The following CDH23 variants were observed in gnomAD, a reference collection of about 807,000 sequenced individuals.
CDH23 encodes cadherin related 23.
CDH23 carries 189 observed loss-of-function variants against 317.1 expected under a neutral mutation model. That is an observed-to-expected ratio of 0.60 (90% CI 0.53 to 0.67). The LOEUF is 0.67. CDH23 is among the 30% of genes least tolerant of loss of function. CDH23 has a pLI of 0.00. For missense variants in CDH23, 4,401 were observed against 4,592.4 expected (o/e 0.96, Z 1.20); for synonymous variants, 1,839 against 1,876.8 (o/e 0.98, Z 0.52).
At chr10:71,709,664 C>T (rs1249174828) in intron 27 of CDH23, among the ~76,000 whole-genome samples, 2 of 152,136 alleles carry the variant, frequency 1.3e-5, no homozygotes, top group African/African-American at 2.4e-5. Context: ...CAAAACCAGT[C>T]CACTGGGAGA....
At chr10:71,755,154 G>C (rs9415993) in intron 38 of CDH23, 171,912 of 660,192 alleles carry the variant, frequency 0.26, 23,718 homozygotes, top group East Asian at 0.36. Flanking sequence ...AAAGGGGCTG[G>C]TGGGCACTTG....
At position 71,797,240 on chromosome 10, in the gene CDH23, T is replaced by C; in HGVS notation, c.6829+20T>C. 1 of 1,546,526 alleles carries C rather than the reference T, an allele frequency of 6.5e-7. No individual in the cohort carries two copies. Among genetic ancestry groups the C allele is most frequent in the Non-Finnish European group, 8.9e-7 (1 of 1,124,300 alleles). Reference sequence around the variant, plus strand: ...CAAATGGTAAGGTTCCCTGCAGACATCTCTCATTGGTCACTCAGAGCCAAT... The same window carrying C: ...CAAATGGTAAGGTTCCCTGCAGACACCTCTCATTGGTCACTCAGAGCCAAT... On this transcript the variant is annotated intron_variant, in intron 49 of 69. Transcript: ENST00000224721.
chr10:71,624,028 G>A (rs1861592827), intron 11 of CDH23, among the ~76,000 whole-genome samples: 2 of 152,166 alleles, frequency 1.3e-5, no homozygotes. Context: ...AATGAGTTGG[G>A]CCAGTCAGTC....
chr10:71,710,755 A>G (rs1169829404), intron 27 of CDH23, among the ~76,000 whole-genome samples: 1 of 152,254 alleles, frequency 6.6e-6, no homozygotes. Context: ...GCACCAGCCC[A>G]TGCAAGGGCC....
chr10:71,642,539 C>CA (rs1016103078), intron 11 of CDH23, among the ~76,000 whole-genome samples: 1 of 151,804 alleles, frequency 6.6e-6, no homozygotes, highest in Non-Finnish European at 1.5e-5. Flanking sequence ...GCTGGGATTA[C>CA]AGGCGTGCAT....
chr10:71,410,201 G>A (rs1426862157), intron 1 of CDH23, among the ~76,000 whole-genome samples: 1 of 152,194 alleles, frequency 6.6e-6, no homozygotes, highest in Non-Finnish European at 1.5e-5. Context: ...AAAGTGCTTG[G>A]CACATAGTAA....
At chr10:71,771,529 C>T (rs1367951420) in intron 38 of CDH23, among the ~76,000 whole-genome samples, 1 of 152,242 alleles carries the variant, frequency 6.6e-6, no homozygotes, top group Non-Finnish European at 1.5e-5. Context: ...TGCTATCTCC[C>T]TCAGTGCACA....
intron 3 of CDH23, among the ~76,000 whole-genome samples, chr10:71,449,504 G>C (rs913819234): frequency 4.6e-5 from 7 of 152,110 alleles, no homozygotes; most frequent in African/African-American, 1.4e-4. Flanking sequence ...GAGCCTCATA[G>C]ATTAAAAATG....
At chr10:71,754,474 G>A (rs1244838813) in intron 38 of CDH23, among the ~76,000 whole-genome samples, 1 of 152,208 alleles carries the variant, frequency 6.6e-6, no homozygotes, top group African/African-American at 2.4e-5. Flanking sequence ...AGAGGCCAGG[G>A]AGGGGAGGCA....
intron 38 of CDH23, among the ~76,000 whole-genome samples, chr10:71,768,102 T>C (rs1336476464): frequency 6.6e-6 from 1 of 152,220 alleles, no homozygotes; most frequent in African/African-American, 2.4e-5. Context: ...CAAGTCTTTT[T>C]GCCCCCTACT....
chr10:71,811,357 T>C lies in CDH23; in HGVS notation c.9120T>C (p.Asn3040=), dbSNP rs772816116. 81 of 1,613,672 alleles carry C rather than the reference T, an allele frequency of 5.0e-5. No homozygotes were observed. The East Asian group carries it at 1.8e-3, about 36-fold the overall frequency. Residue 3040 remains asparagine, a synonymous_variant, in exon 63 of 70, where the codon AAT becomes AAC. Transcript: ENST00000224721. ...ATGAGAACAAGGAGCAGCTACGGAA[T>C]CTTTTCCGGAACTACAACGTCCTGG... ...MIDENKEQLR[N]LFRNYNVLDV...
chr10:71,624,616 C>A (rs1402523417), intron 11 of CDH23, among the ~76,000 whole-genome samples: 2 of 152,138 alleles, frequency 1.3e-5, no homozygotes, highest in African/African-American at 4.8e-5. Flanking sequence ...AGGAGGATTG[C>A]TTCAGCCCAG....
chr10:71,505,109 G>A (rs984780928), intron 3 of CDH23, among the ~76,000 whole-genome samples: 22 of 152,326 alleles, frequency 1.4e-4, no homozygotes, highest in Middle Eastern at 3.4e-3. Flanking sequence ...AGATTTAAGT[G>A]CAAGAAGCTT....
At chr10:71,423,322 G>A (rs1848899228) in intron 1 of CDH23, among the ~76,000 whole-genome samples, 4 of 152,222 alleles carry the variant, frequency 2.6e-5, no homozygotes, top group African/African-American at 9.6e-5. Context: ...TGTTGAAGGA[G>A]GAGAAGGAAC....
rs763303827 is a variant in CDH23 at position 71,812,814 on chromosome 10, G to A, written c.9557G>A (p.Arg3186Gln). 55 of 1,613,238 alleles carry A rather than the reference G, an allele frequency of 3.4e-5. No individual in the cohort carries two copies. Among genetic ancestry groups the A allele is most frequent in the Admixed American group, 6.7e-5 (4 of 59,888 alleles). The stretch of plus-strand genomic sequence containing the variant: ...GCAGCTGTCAAGCCTGATGATGACC[G>A]ATACCTGCGGGCTGCCATCCAGGAG... ...EPAAVKPDDDRYLRAAIQEYD... is the reference protein window; with the variant it reads ...EPAAVKPDDDQYLRAAIQEYD... The change falls in exon 68 of 70, where the codon CGA becomes CAA. Residue 3186 changes from arginine to glutamine, a missense_variant. Coordinates refer to ENST00000224721, the MANE Select transcript of CDH23 (RefSeq NM_022124.6).
At position 71,617,393 on chromosome 10, in the gene CDH23, G is replaced by T; in HGVS notation, c.1134G>T (p.Glu378Asp). 1 of 1,613,054 alleles carries T rather than the reference G, an allele frequency of 6.2e-7. No homozygotes were observed. The highest frequency in any genetic ancestry group is 8.5e-7 in the Non-Finnish European group (1 of 1,179,842). ...TCATCCAGGTGGTGGACAAGGATGA[G>T]GTGAGTCCCTGGACACATGGCCCAT... ...PLFIQVVDKDENLGLNSMFEV... is the reference protein window; with the variant it reads ...PLFIQVVDKDDNLGLNSMFEV... Residue 378 changes from glutamate (E) to aspartate (D), a missense_variant and splice_region_variant, in exon 11 of 70, where the codon GAG becomes GAT. Physicochemically the swap from Glu to Asp is conservative, Grantham distance 45. Around this residue, in one of 3 missense-constraint regions of CDH23, gnomAD observed 3,068 missense variants for 3,203.3 expected, o/e 0.96. Transcript: ENST00000224721.
intron 14 of CDH23, among the ~76,000 whole-genome samples, chr10:71,658,959 C>T (rs1027562123): frequency 1.2e-4 from 19 of 152,200 alleles, no homozygotes; most frequent in Middle Eastern, 3.2e-3. Context: ...GGGGCCTCAG[C>T]GTCCTCATCT....
At chr10:71,814,879 G>T in intron 69 of CDH23, 73 bp from the exon 70 acceptor site, 1 of 1,472,834 alleles carries the variant, frequency 6.8e-7, no homozygotes, top group Admixed American at 2.3e-5. Context: ...ATAGCCAGTG[G>T]GTCTCTGGGG....
intron 3 of CDH23, among the ~76,000 whole-genome samples, chr10:71,482,527 G>A (rs572771324): frequency 2.5e-4 from 38 of 152,352 alleles, no homozygotes; most frequent in African/African-American, 8.2e-4. Context: ...AGGTTGGGGG[G>A]ACAGGCCCCA....
Sources: allele counts gnomAD v4.1 joint callset (sites outside exome capture counted in the v4.1 genomes callset), GRCh38; gene constraint gnomAD v4.1.1; regional missense constraint gnomAD v4.1.1; transcripts MANE v1.5; gene names NCBI Gene and HGNC (gene_info 2026-07-23, HGNC 2026-07-21).